TACR1: variants seen among roughly 807,000 people sequenced by gnomAD.
TACR1 encodes the protein tachykinin receptor 1, also known as substance-P receptor.
In TACR1, 25 loss-of-function variants were observed where a neutral mutation model predicts 35.8. The observed-to-expected ratio is 0.70, with a 90% CI of 0.51 to 0.98. The LOEUF (loss-of-function observed/expected upper bound fraction) is 0.98. TACR1 is among the 50% of genes least tolerant of loss of function. The pLI, the probability that TACR1 is intolerant of heterozygous loss-of-function variation, is 0.00. For missense variants in TACR1, 478 were observed against 522.9 expected (o/e 0.91, Z 0.84); for synonymous variants, 195 against 206.7 (o/e 0.94, Z 0.48).
At chr2:75,146,286 C>T (rs1033047862) in intron 1 of TACR1, among the ~76,000 whole-genome samples, 4 of 152,056 alleles carry the variant, frequency 2.6e-5, no homozygotes, top group Non-Finnish European at 5.9e-5. Context: ...CTATGCCTGG[C>T]TAATTTTTGT....
chr2:75,173,749 A>C (rs558467430), intron 1 of TACR1, among the ~76,000 whole-genome samples: 23 of 152,368 alleles, frequency 1.5e-4, no homozygotes, highest in African/African-American at 5.0e-4. Context: ...ACTTGAAAGT[A>C]TATTCATCAT....
chr2:75,129,348 T>G (rs185595660), intron 1 of TACR1, among the ~76,000 whole-genome samples: 2 of 152,364 alleles, frequency 1.3e-5, no homozygotes, highest in East Asian at 1.9e-4. Flanking sequence ...TTTCATCTTA[T>G]GCAGTGTGGC....
At position 75,053,688 on chromosome 2, in the gene TACR1, C is replaced by A. The variant is rs200932811; in HGVS notation, c.652G>T (p.Val218Leu). ...PLLVIGYAYT[V>L]VGITLWASEI... ...CTGGCCCATAGTGTGATTCCCACTA[C>A]GGTGTATGCATAGCCAATCACCAGC... Residue 218 changes from valine to leucine, a missense_variant, in exon 3 of 5, where the codon GTA becomes TTA. Coordinates refer to ENST00000305249, the MANE Select transcript of TACR1 (RefSeq NM_001058.4). The A allele has an allele frequency of 6.2e-7, 1 of 1,613,386 alleles. No individual in the cohort carries two copies. Among genetic ancestry groups the A allele is most frequent in the South Asian group, 1.1e-5 (1 of 90,870 alleles).
chr2:75,114,515 C>T (rs1267157564), intron 2 of TACR1, among the ~76,000 whole-genome samples: 1 of 152,216 alleles, frequency 6.6e-6, no homozygotes, highest in East Asian at 1.9e-4. Context: ...TGCCACCCTA[C>T]AGCCCACATA....
chr2:75,156,670 A>G (rs974381739), intron 1 of TACR1, among the ~76,000 whole-genome samples: 2 of 150,378 alleles, frequency 1.3e-5, no homozygotes, highest in Non-Finnish European at 3.0e-5. Flanking sequence ...CCCTTCCAAC[A>G]CCTCGATTTT....
Position 75,049,507 on chromosome 2 carries a change from G to A in TACR1, c.1149C>T (p.Thr383=), listed in dbSNP as rs1443516416. Residue 383 remains threonine, a synonymous_variant, in exon 5 of 5, where the codon ACC becomes ACT. Transcript: ENST00000305249. ...PKATPSSLDL[T]SNCSSRSDSK... is the part of the protein sequence containing the mutation. ...AGTCACTTCGTGAAGAGCAGTTGGA[G>A]GTCAGGTCCAGGGACGAGGGTGTGG... 6.2e-7 allele frequency: 1 copy of A among 1,614,194 alleles called. No homozygotes were observed. The highest frequency in any genetic ancestry group is 2.2e-5 in the East Asian group (1 of 44,876).
intron 2 of TACR1, among the ~76,000 whole-genome samples, chr2:75,099,458 GT>G (rs1228105248): frequency 1.3e-5 from 2 of 149,178 alleles, no homozygotes; most frequent in African/African-American, 5.2e-5. Context: ...GACTCTTCAT[GT>G]TTTCTTTCCT....
At chr2:75,098,017 G>A (rs1330822826) in intron 2 of TACR1, among the ~76,000 whole-genome samples, 5 of 152,186 alleles carry the variant, frequency 3.3e-5, no homozygotes, top group Admixed American at 2.0e-4. Flanking sequence ...TGCACAGTTG[G>A]CTTTTGCCAG....
At chr2:75,085,381 C>G (rs544424757) in intron 2 of TACR1, among the ~76,000 whole-genome samples, 4 of 152,274 alleles carry the variant, frequency 2.6e-5, no homozygotes, top group African/African-American at 9.6e-5. Flanking sequence ...GCAATCATTT[C>G]TCTTTCTCTG....
At chr2:75,080,506 G>C (rs565784524) in intron 2 of TACR1, among the ~76,000 whole-genome samples, 25 of 152,236 alleles carry the variant, frequency 1.6e-4, no homozygotes, top group Admixed American at 3.3e-4. Flanking sequence ...CAGAACTTTG[G>C]AAACATATTG....
chr2:75,130,208 T>A (rs1333780095), intron 1 of TACR1, among the ~76,000 whole-genome samples: 1 of 152,190 alleles, frequency 6.6e-6, no homozygotes, highest in Non-Finnish European at 1.5e-5. Flanking sequence ...CTCACCCTAA[T>A]CCCAGCCTTG....
intron 1 of TACR1, among the ~76,000 whole-genome samples, chr2:75,135,914 C>T (rs1436935524): frequency 3.3e-5 from 5 of 152,198 alleles, no homozygotes; most frequent in Non-Finnish European, 5.9e-5. Context: ...ATTCTCCCCT[C>T]TCCATTTCGC....
At chr2:75,192,844 AG>A (rs1438953764) in intron 1 of TACR1, among the ~76,000 whole-genome samples, 3 of 152,342 alleles carry the variant, frequency 2.0e-5, no homozygotes, top group African/African-American at 7.2e-5. Context: ...CATAAATAAA[AG>A]ATATCATTAT....
At chr2:75,131,137 G>A (rs999670221) in intron 1 of TACR1, among the ~76,000 whole-genome samples, 1 of 150,914 alleles carries the variant, frequency 6.6e-6, no homozygotes, top group Non-Finnish European at 1.5e-5. Context: ...CACCCAGGCT[G>A]GAGTGCAGTG....
At chr2:75,084,286 C>T (rs569412154) in intron 2 of TACR1, among the ~76,000 whole-genome samples, 3,168 of 152,252 alleles carry the variant, frequency 0.021, 104 homozygotes, top group African/African-American at 0.071. Flanking sequence ...CCCACTTGAT[C>T]GTGGTGGATA....
At chr2:75,189,527 A>G (rs1675793510) in intron 1 of TACR1, 2 of 152,154 alleles carry the variant, frequency 1.3e-5, no homozygotes, top group East Asian at 1.9e-4. Context: ...AGAATCTGAT[A>G]TATTAGAGAA....
At position 75,053,663 on chromosome 2, in the gene TACR1, C is replaced by G. The variant is rs779156313; in HGVS notation, c.677G>C (p.Ser226Thr). Reference sequence around the variant, plus strand: ...GTCAGAGGAGTCCCCGGGGATCTCACTGGCCCATAGTGTGATTCCCACTAC... The same window carrying G: ...GTCAGAGGAGTCCCCGGGGATCTCAGTGGCCCATAGTGTGATTCCCACTAC... ...YTVVGITLWA[S>T]EIPGDSSDRY... Residue 226 changes from serine to threonine, a missense_variant, in exon 3 of 5, where the codon AGT becomes ACT. Transcript: ENST00000305249. 3 of 1,607,638 alleles carry G rather than the reference C, an allele frequency of 1.9e-6. No individual in the cohort carries two copies. The highest frequency in any genetic ancestry group is 2.5e-6 in the Non-Finnish European group (3 of 1,176,894).
At chr2:75,116,878 C>A (rs1456141487) in intron 2 of TACR1, among the ~76,000 whole-genome samples, 1 of 152,102 alleles carries the variant, frequency 6.6e-6, no homozygotes, top group African/African-American at 2.4e-5. Flanking sequence ...CCATTGCACT[C>A]CAGCCTGGGA....
chr2:75,064,897 G>C (rs1672736277), intron 2 of TACR1, among the ~76,000 whole-genome samples: 1 of 152,220 alleles, frequency 6.6e-6, no homozygotes, highest in Non-Finnish European at 1.5e-5. Context: ...CTAGTGGTAA[G>C]TTAAGGTTCT....
Sources: gnomAD v4.1 joint callset for allele counts (sites outside exome capture counted in the v4.1 genomes callset) on GRCh38, gnomAD v4.1.1 for gene constraint, MANE v1.5 for transcripts, NCBI Gene and HGNC (gene_info 2026-07-23, HGNC 2026-07-21) for gene names.